TCF12: variants seen among roughly 807,000 people sequenced by gnomAD.
TCF12 encodes the protein DNA-binding protein HTF4.
A neutral mutation model predicts 86.0 loss-of-function variants in TCF12; 45 were observed. The ratio of observed to expected loss-of-function variants is 0.52; its 90% CI spans 0.41 to 0.67. TCF12 has a LOEUF of 0.67. Ranked by LOEUF, TCF12 falls within the 30% of genes least tolerant of loss-of-function variation. The pLI, the probability that TCF12 is intolerant of heterozygous loss-of-function variation, is 0.00. For synonymous variants in TCF12, 330 were observed against 299.6 expected (o/e 1.10, Z -1.05); for missense variants, 881 against 859.9 (o/e 1.02, Z -0.31).
upstream of TCF12, chr15:56,918,177 C>T: frequency 2.2e-6 from 1 of 455,980 alleles, no homozygotes; most frequent in South Asian, 1.5e-5. Flanking sequence ...CCTCTGGGCC[C>T]AGCTTAGGGT....
intron 5 of TCF12, among the ~76,000 whole-genome samples, chr15:57,106,539 A>C (rs1197197438): frequency 4.6e-5 from 7 of 152,236 alleles, no homozygotes; most frequent in African/African-American, 1.7e-4. Flanking sequence ...CAGAAGAGGA[A>C]AAGAAACTTC....
At chr15:57,167,370 G>A (rs1267562641) in intron 6 of TCF12, among the ~76,000 whole-genome samples, 1 of 152,138 alleles carries the variant, frequency 6.6e-6, no homozygotes, top group African/African-American at 2.4e-5. Context: ...AGACCAACCT[G>A]GGCAACATAG....
chr15:57,243,525 A>G lies in TCF12; in HGVS notation c.1089A>G (p.Pro363=). ...GTTTTCCGTCAAATCCATCAACACCAGTTGGATCACCTTCACCTCTCACAG... is the reference window on the plus strand; with the variant it reads ...GTTTTCCGTCAAATCCATCAACACCGGTTGGATCACCTTCACCTCTCACAG... ...SSSFPSNPST[P]VGSPSPLTGT... is the part of the protein sequence containing the mutation. The change falls in exon 13 of 21, where the codon CCA becomes CCG. Residue 363 remains proline (P), a synonymous_variant. Coordinates refer to ENST00000333725, the MANE Select transcript of TCF12 (RefSeq NM_207037.2). The G allele has an allele frequency of 6.2e-7, 1 of 1,613,970 alleles. No homozygotes were observed. The highest frequency in any genetic ancestry group is 8.5e-7 in the Non-Finnish European group (1 of 1,179,890).
intron 4 of TCF12, among the ~76,000 whole-genome samples, chr15:57,075,638 A>T (rs2069824674): frequency 6.6e-6 from 1 of 152,248 alleles, no homozygotes; most frequent in Admixed American, 6.5e-5. Context: ...ATTGTATAGC[A>T]AGTGAAAATG....
chr15:57,111,668 T>C (rs1486173455), intron 5 of TCF12, among the ~76,000 whole-genome samples: 1 of 149,758 alleles, frequency 6.7e-6, no homozygotes, highest in Non-Finnish European at 1.5e-5. Context: ...CTCAGCTCAC[T>C]GCAACCTCTG....
At chr15:57,258,022 A>G (rs2060428221) in intron 16 of TCF12, among the ~76,000 whole-genome samples, 1 of 152,140 alleles carries the variant, frequency 6.6e-6, no homozygotes, top group African/African-American at 2.4e-5. Context: ...AATTTTAGCA[A>G]TGTATGGTGG....
intron 3 of TCF12, among the ~76,000 whole-genome samples, chr15:56,980,221 TG>T (rs1313770685): frequency 1.3e-5 from 2 of 152,136 alleles, no homozygotes; most frequent in African/African-American, 4.8e-5. Flanking sequence ...TTAAATTAGC[TG>T]GGGGTAGTGG....
intron 5 of TCF12, among the ~76,000 whole-genome samples, chr15:57,158,191 T>G (rs1297865363): frequency 4.7e-5 from 7 of 149,342 alleles, no homozygotes; most frequent in Admixed American, 1.3e-4. Flanking sequence ...GTCGTTTCTT[T>G]TTTTTTTTTT....
intron 5 of TCF12, among the ~76,000 whole-genome samples, chr15:57,104,544 C>T (rs1022659355): frequency 4.7e-4 from 68 of 145,346 alleles, no homozygotes; most frequent in South Asian, 2.4e-3. Flanking sequence ...CAGGCTCAAG[C>T]GATTCTCCTG....
Position 57,186,903 on chromosome 15 carries a change from G to A in TCF12, c.391-5255G>A, listed in dbSNP as rs187567791. Among the ~76,000 whole-genome samples, 4 of 152,266 alleles carry A rather than the reference G, an allele frequency of 2.6e-5. No individual in the cohort carries two copies. The East Asian group carries it at 7.7e-4, about 29-fold the overall frequency. On this transcript the variant is annotated intron_variant, in intron 6 of 20. Coordinates refer to ENST00000333725, the MANE Select transcript of TCF12 (RefSeq NM_207037.2). ...TTGATGCCAAAAAAGAATCTCAGCTGAACATGGTGGCTCACACCAGTAATT... is the reference window on the plus strand; with the variant it reads ...TTGATGCCAAAAAAGAATCTCAGCTAAACATGGTGGCTCACACCAGTAATT...
At position 56,948,095 on chromosome 15, in the gene TCF12, A is replaced by C. The variant is rs769524014; in HGVS notation, c.148+26997A>C. 9.3e-4 allele frequency among the ~76,000 whole-genome samples: 142 copies of C among 152,092 alleles called. 1 individual carries two copies. Among genetic ancestry groups the C allele is most frequent in the Non-Finnish European group, 1.7e-3 (113 of 68,016 alleles). ...CATTTATAAGGATTTTGTGAAGTTT[A>C]AATGAGATGATGCGTACAAAAATAC... On this transcript the variant is annotated intron_variant, in intron 3 of 20. Coordinates refer to ENST00000333725, the MANE Select transcript of TCF12 (RefSeq NM_207037.2).
At chr15:57,057,437 C>A (rs1363152595) in intron 3 of TCF12, among the ~76,000 whole-genome samples, 1 of 152,180 alleles carries the variant, frequency 6.6e-6, no homozygotes, top group Non-Finnish European at 1.5e-5. Flanking sequence ...TCCCTGAAAG[C>A]TGATTAAAAG....
Position 57,181,729 on chromosome 15 carries a change from C to T in TCF12, c.391-10429C>T, listed in dbSNP as rs576696084. Reference sequence around the variant, plus strand: ...TGTATCACATAGGCTGTTAAAGTTCCTTATTTTTAAAAATTGGAAATTTTG... The same window carrying T: ...TGTATCACATAGGCTGTTAAAGTTCTTTATTTTTAAAAATTGGAAATTTTG... On this transcript the variant is annotated intron_variant, in intron 6 of 20. Transcript: ENST00000333725. Among the ~76,000 whole-genome samples the T allele has an allele frequency of 2.4e-3, 371 of 152,150 alleles. 8 individuals are homozygous for T. The highest frequency in any genetic ancestry group is 4.4e-4 in the Non-Finnish European group (30 of 67,992).
intron 3 of TCF12, among the ~76,000 whole-genome samples, chr15:57,058,986 C>T (rs1437499359): frequency 1.3e-5 from 2 of 152,088 alleles, no homozygotes; most frequent in Non-Finnish European, 2.9e-5. Context: ...AATAAAGACA[C>T]TATTAAAAAT....
intron 5 of TCF12, among the ~76,000 whole-genome samples, chr15:57,157,148 C>T (rs1236110123): frequency 6.6e-6 from 1 of 152,108 alleles, no homozygotes. Flanking sequence ...GAATGATTAT[C>T]TCAGTTTATG....
chr15:56,920,072 G>A, intron 2 of TCF12, 84 bp downstream of exon 2: 1 of 1,510,116 alleles, frequency 6.6e-7, no homozygotes, highest in East Asian at 2.3e-5. Context: ...TAAAGGGTGA[G>A]GGGAAGCAAC....
rs540723654 is a variant in TCF12 at position 57,184,665 on chromosome 15, G to GTAA, written c.391-7487_391-7485dup. 6.6e-5 allele frequency among the ~76,000 whole-genome samples: 10 copies of GTAA among 152,198 alleles called. No individual in the cohort carries two copies. The South Asian group carries it at 1.9e-3, about 28-fold the overall frequency. On this transcript the variant is annotated intron_variant, in intron 6 of 20. Transcript: ENST00000333725. Reference sequence around the variant, plus strand: ...CTTGACCCCTGCCCTTAAGCATGTGGTAATAATATGTTCCATCTAGTGTAC... The same window carrying GTAA: ...CTTGACCCCTGCCCTTAAGCATGTGGTAATAATAATATGTTCCATCTAGTGTAC...
chr15:56,934,064 C>T (rs2060363501), intron 3 of TCF12, among the ~76,000 whole-genome samples: 2 of 151,996 alleles, frequency 1.3e-5, no homozygotes, highest in South Asian at 2.1e-4. Context: ...GAAATTGAAG[C>T]ACTAAAGTAA....
intron 5 of TCF12, among the ~76,000 whole-genome samples, chr15:57,121,070 G>C (rs1253664302): frequency 6.6e-6 from 1 of 152,188 alleles, no homozygotes; most frequent in Non-Finnish European, 1.5e-5. Context: ...GGAGTTTTAT[G>C]GATATCTGTT....
Sources: gnomAD v4.1 joint callset for allele counts (sites outside exome capture counted in the v4.1 genomes callset) on GRCh38, gnomAD v4.1.1 for gene constraint, MANE v1.5 for transcripts, NCBI Gene and HGNC (gene_info 2026-07-23, HGNC 2026-07-21) for gene names.